PCDHGA9: variants seen among roughly 807,000 people sequenced by gnomAD.
PCDHGA9 encodes the protein protocadherin gamma-A9.
Under a neutral mutation model 62.5 loss-of-function variants are expected in PCDHGA9, and 37 were observed. That is an observed-to-expected ratio of 0.59 (90% CI 0.46 to 0.78). The LOEUF (loss-of-function observed/expected upper bound fraction) is 0.78, where lower values mean the gene tolerates loss of function less well. Ranked by LOEUF, PCDHGA9 falls within the 30% of genes least tolerant of loss-of-function variation. The probability of loss-of-function intolerance (pLI) is 0.00; values close to 1 mark genes in which losing one functional copy is unlikely to be tolerated. For missense variants in PCDHGA9, 1,138 were observed against 1,166.2 expected, an observed-to-expected ratio of 0.98 and a Z score of 0.35; for synonymous variants, 459 against 484.6, an observed-to-expected ratio of 0.95 and a Z score of 0.69.
At chr5:141,418,278 T>C (rs2096243624) in intron 1 of PCDHGA9, 1 of 1,613,954 alleles carries the variant, frequency 6.2e-7, no homozygotes, top group East Asian at 2.2e-5. Context: ...GAAATAAACT[T>C]AGAAATCAGT....
At chr5:141,453,521 T>A (rs1311886024) in intron 1 of PCDHGA9, among the ~76,000 whole-genome samples, 2 of 152,148 alleles carry the variant, frequency 1.3e-5, no homozygotes, top group Non-Finnish European at 2.9e-5. Flanking sequence ...TCCTCCCCTA[T>A]ACCTTCTGCC....
intron 1 of PCDHGA9, among the ~76,000 whole-genome samples, chr5:141,444,257 C>T (rs376980362): frequency 1.2e-4 from 18 of 147,512 alleles, no homozygotes; most frequent in East Asian, 6.0e-4. Context: ...CTGCAACCTC[C>T]GCCTCCCAGG....
chr5:141,480,336 G>A (rs755963190), intron 1 of PCDHGA9, among the ~76,000 whole-genome samples: 1 of 151,988 alleles, frequency 6.6e-6, no homozygotes, highest in Non-Finnish European at 1.5e-5. Flanking sequence ...AATTGCTTGA[G>A]CCTGGGAGGT....
At position 141,485,789 on chromosome 5, in the gene PCDHGA9, T is replaced by G. The variant is rs1276069810; in HGVS notation, c.2425-9018T>G. The G allele has an allele frequency of 1.2e-6, 2 of 1,613,978 alleles. No individual in the cohort carries two copies. The highest frequency in any genetic ancestry group is 1.7e-6 in the Non-Finnish European group (2 of 1,180,030). On this transcript the variant is annotated intron_variant, in intron 1 of 3. Coordinates refer to ENST00000573521, the MANE Select transcript of PCDHGA9 (RefSeq NM_018921.3). This position sits in a 1 kb window ranked among gnomAD's most constrained non-coding sequence, Gnocchi z 5.7. ...GAAGCCTTTGGATCGAGAGAAGCAATCGGACTACCGCCTGGTGCTGACTGC... is the reference window on the plus strand; with the variant it reads ...GAAGCCTTTGGATCGAGAGAAGCAAGCGGACTACCGCCTGGTGCTGACTGC...
At chr5:141,413,990 A>G (rs1179968710) in intron 1 of PCDHGA9, 6 of 1,613,434 alleles carry the variant, frequency 3.7e-6, no homozygotes, top group Admixed American at 1.7e-5. Context: ...ACAGCCACCG[A>G]CAGGGACGAA....
chr5:141,450,104 T>A (rs1041853602), intron 1 of PCDHGA9, among the ~76,000 whole-genome samples: 1 of 150,664 alleles, frequency 6.6e-6, no homozygotes, highest in African/African-American at 2.5e-5. Flanking sequence ...CCTCCCAGGT[T>A]CAAATGATTC....
At chr5:141,462,280 C>T (rs927977920) in intron 1 of PCDHGA9, among the ~76,000 whole-genome samples, 15 of 152,146 alleles carry the variant, frequency 9.9e-5, no homozygotes, top group African/African-American at 3.4e-4. Context: ...TGTTTAGTCA[C>T]CAAATATGTA....
intron 1 of PCDHGA9, chr5:141,427,017 TAC>T (rs764268354): frequency 2.2e-5 from 10 of 456,792 alleles, no homozygotes; most frequent in South Asian, 1.4e-4. Context: ...CCAGGATGTA[TAC>T]AAAGTCAGCC....
chr5:141,409,882 G>A, intron 1 of PCDHGA9: 1 of 1,613,006 alleles, frequency 6.2e-7, no homozygotes, highest in Non-Finnish European at 8.5e-7. Context: ...ACAACGCACC[G>A]CGGGTGCTGT....
At position 141,485,685 on chromosome 5, in the gene PCDHGA9, G is replaced by A; in HGVS notation, c.2425-9122G>A. ...GGGAGCAATTCGATTAGCAGCTATA[G>A]GCTGAGCTCCAATGAACACTTTGCA... On this transcript the variant is annotated intron_variant, in intron 1 of 3. Coordinates refer to ENST00000573521, the MANE Select transcript of PCDHGA9 (RefSeq NM_018921.3). This position sits in a 1 kb window ranked among gnomAD's most constrained non-coding sequence, Gnocchi z 5.7. 1.2e-6 allele frequency: 2 copies of A among 1,614,052 alleles called. No homozygotes were observed. The highest frequency in any genetic ancestry group is 1.3e-5 in the African/African-American group (1 of 75,072).
At chr5:141,415,165 C>T (rs1410806560) in intron 1 of PCDHGA9, 10 of 1,613,746 alleles carry the variant, frequency 6.2e-6, no homozygotes, top group Non-Finnish European at 8.5e-6. Context: ...CACTGTCACG[C>T]TCACCGTGGC....
intron 1 of PCDHGA9, chr5:141,414,233 T>C: frequency 1.2e-6 from 2 of 1,613,474 alleles, no homozygotes; most frequent in African/African-American, 2.7e-5. Context: ...GAGCTGACCA[T>C]CACGTCTCTA....
In PCDHGA9 at chr5:141,431,940, T is replaced by G; in HGVS notation, c.2424+26564T>G. ...ATCCAAGGAAATCTGCCCTTTAAAT[T>G]AGAAAAATCTTACGGAAATTACTAT... On this transcript the variant is annotated intron_variant, in intron 1 of 3. Coordinates refer to ENST00000573521, the MANE Select transcript of PCDHGA9 (RefSeq NM_018921.3). The surrounding 1 kb of genome is among the most constrained non-coding windows in gnomAD (Gnocchi z 4.8). 2 of 1,614,132 alleles carry G rather than the reference T, an allele frequency of 1.2e-6. No homozygotes were observed. Among genetic ancestry groups the G allele is most frequent in the Non-Finnish European group, 1.7e-6 (2 of 1,179,998 alleles).
At chr5:141,437,903 A>G (rs1591482477) in intron 1 of PCDHGA9, among the ~76,000 whole-genome samples, 1 of 152,064 alleles carries the variant, frequency 6.6e-6, no homozygotes, top group East Asian at 1.9e-4. Context: ...ACACCCAGCT[A>G]ATTTTTGTAT....
chr5:141,407,169 G>A (rs946090447), intron 1 of PCDHGA9, among the ~76,000 whole-genome samples: 3 of 152,146 alleles, frequency 2.0e-5, no homozygotes, highest in Non-Finnish European at 4.4e-5. Flanking sequence ...AATCCTTTAT[G>A]ACATACAGAC....
At position 141,487,144 on chromosome 5, in the gene PCDHGA9, C is replaced by T. The variant is rs2099640304; in HGVS notation, c.2425-7663C>T. The T allele has an allele frequency of 6.2e-7, 1 of 1,614,032 alleles. No homozygotes were observed. Among genetic ancestry groups the T allele is most frequent in the African/African-American group, 1.3e-5 (1 of 75,056 alleles). On this transcript the variant is annotated intron_variant, in intron 1 of 3. Coordinates refer to ENST00000573521, the MANE Select transcript of PCDHGA9 (RefSeq NM_018921.3). This position sits in a 1 kb window ranked among gnomAD's most constrained non-coding sequence, Gnocchi z 5.0. ...ATAGTGGTAGTCCACCACTCTCTAC[C>T]TCTGTTACTCTCTTAGTGTCCTTAG...
chr5:141,502,629 G>A (rs1368174848), intron 2 of PCDHGA9, among the ~76,000 whole-genome samples: 1 of 152,096 alleles, frequency 6.6e-6, no homozygotes, highest in Non-Finnish European at 1.5e-5. Context: ...GTAATCTGTG[G>A]ATGATACTTT....
At position 141,455,301 on chromosome 5, in the gene PCDHGA9, T is replaced by G. The variant is rs192443408; in HGVS notation, c.2425-39506T>G. Among the ~76,000 whole-genome samples, 191 of 152,308 alleles carry G rather than the reference T, an allele frequency of 1.3e-3. 1 individual carries two copies. Among genetic ancestry groups the G allele is most frequent in the African/African-American group, 4.4e-3 (181 of 41,566 alleles). On this transcript the variant is annotated intron_variant, in intron 1 of 3. Transcript: ENST00000573521. ...AACATCACTTTACATAGTTTCATCT[T>G]GCATTAGCAATTTTGTGTGTGTGTT...
intron 2 of PCDHGA9, among the ~76,000 whole-genome samples, chr5:141,495,700 T>A (rs2099763052): frequency 6.6e-6 from 1 of 152,228 alleles, no homozygotes; most frequent in Non-Finnish European, 1.5e-5. Flanking sequence ...GCTCAATAAA[T>A]GTGGAGTGAG....
Sources: gnomAD v4.1 joint callset for allele counts (sites outside exome capture counted in the v4.1 genomes callset) on GRCh38, gnomAD v4.1.1 for gene constraint, Gnocchi (gnomAD v3.1) non-coding constraint, MANE v1.5 for transcripts, NCBI Gene and HGNC (gene_info 2026-07-23, HGNC 2026-07-21) for gene names.